The following SPOCK1 variants were observed in gnomAD, a reference collection of about 807,000 sequenced individuals.
SPOCK1 encodes the protein testican-1.
A neutral mutation model predicts 55.3 loss-of-function variants in SPOCK1; 23 were observed. The observed-to-expected ratio is 0.42, with a 90% CI of 0.30 to 0.59. The LOEUF (loss-of-function observed/expected upper bound fraction) is 0.59. Ranked by LOEUF, SPOCK1 falls within the 20% of genes least tolerant of loss-of-function variation. The pLI is 0.22. For synonymous variants in SPOCK1, 226 were observed against 221.0 expected, an observed-to-expected ratio of 1.02 and a Z score of -0.20; for missense variants, 499 against 552.5, an observed-to-expected ratio of 0.90 and a Z score of 0.97.
At chr5:137,037,029 C>G (rs780510276) in intron 6 of SPOCK1, among the ~76,000 whole-genome samples, 2 of 152,058 alleles carry the variant, frequency 1.3e-5, no homozygotes, top group Non-Finnish European at 2.9e-5. Flanking sequence ...GGTGCTCTCG[C>G]TCCGATAGTG....
intron 6 of SPOCK1, among the ~76,000 whole-genome samples, chr5:137,051,331 G>A (rs896708643): frequency 2.6e-5 from 4 of 152,198 alleles, no homozygotes; most frequent in African/African-American, 9.6e-5. Context: ...AAAGAAAACA[G>A]GGCATGTCTT....
In SPOCK1 at chr5:137,309,856, C is replaced by A. The variant is rs577940794; in HGVS notation, c.187-42801G>T. Among the ~76,000 whole-genome samples, 11 of 152,136 alleles carry A rather than the reference C, an allele frequency of 7.2e-5. No homozygotes were observed. In the South Asian group the frequency reaches 2.1e-3, roughly 29 times the overall value. ...AGGTGCTCAAACAGTGAGTACCCCC[C>A]ATTCAATTTATAGTTTCTACTTTTC... On this transcript the variant is annotated intron_variant, in intron 2 of 10. Transcript: ENST00000394945.
intron 2 of SPOCK1, among the ~76,000 whole-genome samples, chr5:137,358,956 G>T (rs1392551827): frequency 6.6e-6 from 1 of 152,148 alleles, no homozygotes; most frequent in Non-Finnish European, 1.5e-5. Flanking sequence ...CACAAAGCCT[G>T]CAGTATAGAA....
At chr5:137,055,958 C>T (rs919790559) in intron 6 of SPOCK1, among the ~76,000 whole-genome samples, 13 of 152,148 alleles carry the variant, frequency 8.5e-5, no homozygotes, top group Admixed American at 3.9e-4. Context: ...TCTTTGACTT[C>T]GGGACCTAAG....
At chr5:137,465,380 TG>T (rs1410672492) in intron 2 of SPOCK1, among the ~76,000 whole-genome samples, 2 of 152,136 alleles carry the variant, frequency 1.3e-5, no homozygotes, top group Non-Finnish European at 2.9e-5. Context: ...AGCAAAGCCT[TG>T]GAATATAAAA....
At chr5:137,417,995 C>T (rs6886086) in intron 2 of SPOCK1, among the ~76,000 whole-genome samples, 2,368 of 152,216 alleles carry the variant, frequency 0.016, 69 homozygotes, top group African/African-American at 0.054. Context: ...TGATGTTCCC[C>T]TTCCTGTGTC....
At chr5:137,136,182 C>T (rs933571724) in intron 4 of SPOCK1, among the ~76,000 whole-genome samples, 1 of 152,146 alleles carries the variant, frequency 6.6e-6, no homozygotes, top group African/African-American at 2.4e-5. Flanking sequence ...AAGGTCATAA[C>T]TCCTATGTTT....
At position 136,977,067 on chromosome 5, in the gene SPOCK1, G is replaced by C. The variant is rs1295611677; in HGVS notation, c.*1587C>G. The C allele has an allele frequency of 6.6e-6, 1 of 152,244 alleles. No homozygotes were observed. The highest frequency in any genetic ancestry group is 1.5e-5 in the Non-Finnish European group (1 of 68,092). The allele number at this position is 152,244 out of a possible 1,614,324, so 9.4% of individuals were successfully genotyped here. A position where few individuals can be genotyped will look rare whatever the true frequency, so the allele number is the denominator to read the frequency against. ...TATGTGGGCCAGAGAGGCTTGCTTGGGTGGCTGATTCTGATTAGGACACCC... is the reference window on the plus strand; with the variant it reads ...TATGTGGGCCAGAGAGGCTTGCTTGCGTGGCTGATTCTGATTAGGACACCC... On this transcript the variant is annotated 3_prime_UTR_variant, in exon 11 of 11. Transcript: ENST00000394945.
chr5:137,356,796 A>AT (rs1285194690), intron 2 of SPOCK1, among the ~76,000 whole-genome samples: 1,002 of 49,294 alleles, frequency 0.02, 84 homozygotes, highest in East Asian at 0.073. Flanking sequence ...CTCAAAAAAA[A>AT]TAATATATAT....
chr5:137,122,925 C>G (rs185952022), intron 4 of SPOCK1, among the ~76,000 whole-genome samples: 1 of 152,230 alleles, frequency 6.6e-6, no homozygotes, highest in Admixed American at 6.5e-5. Flanking sequence ...GCAAAGCCCC[C>G]TGTTCTGGGA....
At chr5:137,006,908 C>T (rs1425646950) in intron 6 of SPOCK1, among the ~76,000 whole-genome samples, 2 of 152,022 alleles carry the variant, frequency 1.3e-5, no homozygotes, top group Non-Finnish European at 1.5e-5. Flanking sequence ...TAGCATGAAG[C>T]ATTGTTGAAT....
In SPOCK1 at chr5:137,195,079, C is replaced by T. The variant is rs17171064; in HGVS notation, c.233-54385G>A. Among the ~76,000 whole-genome samples the T allele has an allele frequency of 5.5e-3, 843 of 152,324 alleles. 14 individuals are homozygous for T. Among genetic ancestry groups the T allele is most frequent in the African/African-American group, 0.019 (805 of 41,572 alleles). On this transcript the variant is annotated intron_variant, in intron 3 of 10. Transcript: ENST00000394945. The stretch of plus-strand genomic sequence containing the variant: ...CCAATCCCTAATTAAATTCACCACA[C>T]GGCAAAGGGGTCATCCATCACTTCT...
chr5:137,498,634 C>A (rs1189398716), intron 1 of SPOCK1, 76 bp from the exon 2 acceptor site: 2 of 1,171,204 alleles, frequency 1.7e-6, no homozygotes, highest in Non-Finnish European at 2.1e-6. Flanking sequence ...GGCGTCCCAG[C>A]GCCCCAGCCC....
intron 2 of SPOCK1, among the ~76,000 whole-genome samples, chr5:137,424,528 T>C (rs1752566933): frequency 6.6e-6 from 1 of 152,230 alleles, no homozygotes; most frequent in South Asian, 2.1e-4. Context: ...TTGCCATGAA[T>C]GCTCACGGCA....
chr5:136,984,016 T>C (rs549899481), intron 9 of SPOCK1, among the ~76,000 whole-genome samples: 2 of 151,892 alleles, frequency 1.3e-5, no homozygotes, highest in Non-Finnish European at 2.9e-5. Context: ...CTCAAAATAA[T>C]ATCCCACATG....
At chr5:137,001,856 A>G (rs535149922) in intron 6 of SPOCK1, among the ~76,000 whole-genome samples, 9 of 152,336 alleles carry the variant, frequency 5.9e-5, no homozygotes, top group Non-Finnish European at 1.0e-4. Flanking sequence ...AAAACACAAT[A>G]GGAGCTTACT....
At chr5:137,109,587 G>A (rs934976665) in intron 5 of SPOCK1, among the ~76,000 whole-genome samples, 2 of 152,130 alleles carry the variant, frequency 1.3e-5, no homozygotes, top group Non-Finnish European at 2.9e-5. Flanking sequence ...GCCTGGAATT[G>A]CCAGATCATC....
intron 2 of SPOCK1, among the ~76,000 whole-genome samples, chr5:137,325,391 C>A (rs1219331648): frequency 6.6e-6 from 1 of 152,052 alleles, no homozygotes; most frequent in Non-Finnish European, 1.5e-5. Flanking sequence ...TGCTTTGGGG[C>A]CAGAACAAAG....
intron 3 of SPOCK1, among the ~76,000 whole-genome samples, chr5:137,192,875 T>C (rs1755211227): frequency 6.6e-6 from 1 of 152,186 alleles, no homozygotes; most frequent in Non-Finnish European, 1.5e-5. Context: ...TTACAGATCA[T>C]AGTAAAAACA....
Sources: gnomAD v4.1 joint callset for allele counts (sites outside exome capture counted in the v4.1 genomes callset) on GRCh38, gnomAD v4.1.1 for gene constraint, MANE v1.5 for transcripts, NCBI Gene and HGNC (gene_info 2026-07-23, HGNC 2026-07-21) for gene names.